Variants in CCDC91 observed in about 807,000 individuals in gnomAD.
CCDC91 encodes the protein coiled-coil domain-containing protein 91.
CCDC91 carries 48 observed loss-of-function variants against 63.2 expected under a neutral mutation model. The observed-to-expected ratio is 0.76, with a 90% CI of 0.60 to 0.97. CCDC91 has a LOEUF of 0.97. Among genes scored for constraint, CCDC91 ranks in the 50% least tolerant of loss-of-function variants. The probability of loss-of-function intolerance (pLI) is 0.00; values close to 1 mark genes in which losing one functional copy is unlikely to be tolerated. For missense variants in CCDC91, 500 were observed against 494.6 expected (o/e 1.01, Z -0.10); for synonymous variants, 167 against 165.8 (o/e 1.01, Z -0.06).
At chr12:28,360,648 T>G (rs2138523368) in intron 6 of CCDC91, among the ~76,000 whole-genome samples, 1 of 152,356 alleles carries the variant, frequency 6.6e-6, no homozygotes, top group East Asian at 1.9e-4. Context: ...ATTATTTTCT[T>G]TGGGATTTTA....
intron 8 of CCDC91, among the ~76,000 whole-genome samples, chr12:28,419,600 CTACTTT>C (rs1166760387): frequency 6.6e-6 from 1 of 152,062 alleles, no homozygotes; most frequent in Non-Finnish European, 1.5e-5. Flanking sequence ...TTTTGTAAGT[CTACTTT>C]TACTGATATT....
intron 11 of CCDC91, among the ~76,000 whole-genome samples, chr12:28,457,923 T>G (rs1456897896): frequency 6.6e-6 from 1 of 152,018 alleles, no homozygotes; most frequent in Non-Finnish European, 1.5e-5. Context: ...CAAAATCCTG[T>G]AAAAGAACTC....
At chr12:28,503,101 A>G (rs1265080820) in intron 12 of CCDC91, among the ~76,000 whole-genome samples, 3 of 152,222 alleles carry the variant, frequency 2.0e-5, no homozygotes, top group Non-Finnish European at 4.4e-5. Context: ...ATTAAACTAA[A>G]GAGCTTCTGC....
intron 8 of CCDC91, among the ~76,000 whole-genome samples, chr12:28,405,219 A>G (rs188238724): frequency 1.2e-3 from 179 of 152,216 alleles, no homozygotes; most frequent in African/African-American, 4.1e-3. Context: ...AGTTCACACT[A>G]TACATTTACT....
At chr12:28,465,141 G>A (rs183352195) in intron 11 of CCDC91, among the ~76,000 whole-genome samples, 1 of 152,326 alleles carries the variant, frequency 6.6e-6, no homozygotes. Flanking sequence ...AAAGGGGAGG[G>A]AAGAGTGGGA....
intron 1 of CCDC91, among the ~76,000 whole-genome samples, chr12:28,224,597 G>T (rs1944156037): frequency 6.6e-6 from 1 of 152,158 alleles, no homozygotes; most frequent in African/African-American, 2.4e-5. Flanking sequence ...AAGTGGTTAA[G>T]TTTTTGTCAT....
chr12:28,215,705 G>A lies in CCDC91; in HGVS notation c.-15+25064G>A, dbSNP rs146400286. Among the ~76,000 whole-genome samples the A allele has an allele frequency of 1.3e-3, 204 of 152,204 alleles. 1 individual carries two copies. Among genetic ancestry groups the A allele is most frequent in the African/African-American group, 4.7e-3 (197 of 41,544 alleles). ...ATGCCTAGTACAAGCAGAATTTATAGTAAATATTTTAGAAAGCCAGACATA... is the reference window on the plus strand; with the variant it reads ...ATGCCTAGTACAAGCAGAATTTATAATAAATATTTTAGAAAGCCAGACATA... On this transcript the variant is annotated intron_variant, in intron 1 of 12. Coordinates refer to ENST00000536442, the MANE Select transcript of CCDC91 (RefSeq NM_018318.5).
At chr12:28,545,074 A>G (rs570312899) in intron 12 of CCDC91, among the ~76,000 whole-genome samples, 3 of 152,190 alleles carry the variant, frequency 2.0e-5, no homozygotes, top group Non-Finnish European at 2.9e-5. Context: ...AATTAAAGCA[A>G]CAGAAAATGG....
intron 1 of CCDC91, among the ~76,000 whole-genome samples, chr12:28,193,114 A>C (rs1333572013): frequency 1.3e-5 from 2 of 152,218 alleles, no homozygotes; most frequent in East Asian, 3.9e-4. Flanking sequence ...CATTGTGTGA[A>C]TATATCATAG....
chr12:28,348,325 G>C (rs1942953279), intron 6 of CCDC91, among the ~76,000 whole-genome samples: 1 of 152,098 alleles, frequency 6.6e-6, no homozygotes, highest in African/African-American at 2.4e-5. Context: ...GTTCCTACTG[G>C]CATTATGTAT....
chr12:28,200,974 C>T (rs1204978683), intron 1 of CCDC91, among the ~76,000 whole-genome samples: 8 of 140,824 alleles, frequency 5.7e-5, no homozygotes, highest in African/African-American at 1.2e-4. Flanking sequence ...ACCTCCCTCC[C>T]GGACGGGGCG....
chr12:28,267,700 T>TTTTTGTTTTTTTTGG (rs1326980575), intron 3 of CCDC91, among the ~76,000 whole-genome samples: 1 of 117,254 alleles, frequency 8.5e-6, no homozygotes. Context: ...TTATTTATTA[T>TTTTTGTTTTTTTTGG]ATATAATTAT....
intron 8 of CCDC91, among the ~76,000 whole-genome samples, chr12:28,395,968 A>G (rs1230605898): frequency 6.6e-6 from 1 of 152,176 alleles, no homozygotes; most frequent in Non-Finnish European, 1.5e-5. Flanking sequence ...CGGCTTGGTT[A>G]TAGGAACGTA....
intron 3 of CCDC91, among the ~76,000 whole-genome samples, chr12:28,266,543 A>G (rs1947198832): frequency 6.6e-6 from 1 of 152,008 alleles, no homozygotes; most frequent in South Asian, 2.1e-4. Flanking sequence ...AAAACATAGA[A>G]CACAAATATT....
rs545980353 is a variant in CCDC91, at chr12:28,398,093, A to G, written c.762+6682A>G. On this transcript the variant is annotated intron_variant, in intron 8 of 12. Coordinates refer to ENST00000536442, the MANE Select transcript of CCDC91 (RefSeq NM_018318.5). ...AATTAAATGTACTCATTCTATAGAA[A>G]TATATACACTCATATATCTATCATC... 3.3e-5 allele frequency among the ~76,000 whole-genome samples: 5 copies of G among 152,254 alleles called. No individual in the cohort carries two copies. In the South Asian group the frequency reaches 8.3e-4, roughly 25 times the overall value.
chr12:28,411,235 T>C lies in CCDC91; in HGVS notation c.762+19824T>C, dbSNP rs115292091. 5.9e-3 allele frequency among the ~76,000 whole-genome samples: 900 copies of C among 152,140 alleles called. 9 individuals are homozygous for C. The highest frequency in any genetic ancestry group is 0.021 in the African/African-American group (874 of 41,512). ...TTACAGATTTTTTAAGGTTTTCTTT[T>C]TGAAAAAAAAAAGTATGTTTTAAAA... On this transcript the variant is annotated intron_variant, in intron 8 of 12. Transcript: ENST00000536442.
In CCDC91 at chr12:28,415,516, G is replaced by A. The variant is rs57399539; in HGVS notation, c.762+24105G>A. ...ATTACAGGCGTGAGCCACTGTGCCCGGCTGTAAAGCGGATTTTAAAATGAG... is the reference window on the plus strand; with the variant it reads ...ATTACAGGCGTGAGCCACTGTGCCCAGCTGTAAAGCGGATTTTAAAATGAG... On this transcript the variant is annotated intron_variant, in intron 8 of 12. Coordinates refer to ENST00000536442, the MANE Select transcript of CCDC91 (RefSeq NM_018318.5). 6.2e-3 allele frequency among the ~76,000 whole-genome samples: 949 copies of A among 152,246 alleles called. 8 individuals carry two copies. The highest frequency in any genetic ancestry group is 0.058 in the Middle Eastern group (17 of 294).
At chr12:28,234,953 T>C (rs1944840694) in intron 1 of CCDC91, among the ~76,000 whole-genome samples, 1 of 152,048 alleles carries the variant, frequency 6.6e-6, no homozygotes, top group Non-Finnish European at 1.5e-5. Flanking sequence ...ATTTTGTGAG[T>C]CAGGAATTTG....
intron 6 of CCDC91, among the ~76,000 whole-genome samples, chr12:28,347,568 C>A (rs1942895432): frequency 6.6e-6 from 1 of 152,140 alleles, no homozygotes; most frequent in Admixed American, 6.5e-5. Context: ...TACCACCAGA[C>A]AATATAGCTA....
Sources: gnomAD v4.1 joint callset for allele counts (sites outside exome capture counted in the v4.1 genomes callset) on GRCh38, gnomAD v4.1.1 for gene constraint, MANE v1.5 for transcripts, NCBI Gene and HGNC (gene_info 2026-07-23, HGNC 2026-07-21) for gene names.